The following ZNF567 variants were observed in gnomAD, a reference collection of about 807,000 sequenced individuals.
ZNF567 encodes zinc finger protein 567.
A neutral mutation model predicts 53.9 loss-of-function variants in ZNF567; 36 were observed. That is an observed-to-expected ratio of 0.67 (90% CI 0.51 to 0.88). ZNF567 has a LOEUF of 0.88. ZNF567 is among the 40% of genes least tolerant of loss of function. ZNF567 has a pLI of 0.00. For synonymous variants in ZNF567, 224 were observed against 260.4 expected (o/e 0.86, Z 1.35); for missense variants, 619 against 764.7 (o/e 0.81, Z 2.25).
At chr19:36,672,803 G>C in the ZNF567 span, among the ~76,000 whole-genome samples, 1 of 152,136 alleles carries the variant, frequency 6.6e-6, no homozygotes, top group Non-Finnish European at 1.5e-5. Flanking sequence ...GACCCTTAAC[G>C]AATGAAGGTT....
At chr19:36,684,981 A>G (rs2038238225), upstream of ZNF567, among the ~76,000 whole-genome samples, 1 of 152,144 alleles carries the variant, frequency 6.6e-6, no homozygotes, top group African/African-American at 2.4e-5. Context: ...TGGAAAGGGG[A>G]AAACAGATGT....
Position 36,720,784 on chromosome 19 carries a change from A to T in ZNF567, c.*116A>T. 2 of 918,038 alleles carry T rather than the reference A, an allele frequency of 2.2e-6. No homozygotes were observed. Among genetic ancestry groups the T allele is most frequent in the Non-Finnish European group, 3.1e-6 (2 of 645,286 alleles). 56.9% of individuals were successfully genotyped at this position (918,038 alleles called of 1,614,324 possible). A position where few individuals can be genotyped will look rare whatever the true frequency, so the allele number is the denominator to read the frequency against. ...TTAAATCACAAGTCTAATAATTATTAAAGTACCATACGGAATAACTGTCTA... is the reference window on the plus strand; with the variant it reads ...TTAAATCACAAGTCTAATAATTATTTAAGTACCATACGGAATAACTGTCTA... On this transcript the variant is annotated 3_prime_UTR_variant, in exon 6 of 6. Coordinates refer to ENST00000682579, the MANE Select transcript of ZNF567 (RefSeq NM_001322917.1).
At chr19:36,702,124 G>A (rs1294771955) in intron 3 of ZNF567, among the ~76,000 whole-genome samples, 1 of 151,966 alleles carries the variant, frequency 6.6e-6, no homozygotes, top group East Asian at 1.9e-4. Context: ...GCCTGGTGGT[G>A]ACAAAAATCT....
chr19:36,673,137 C>T, the ZNF567 span, among the ~76,000 whole-genome samples: 1 of 152,140 alleles, frequency 6.6e-6, no homozygotes, highest in South Asian at 2.1e-4. Context: ...GAAGCATTAA[C>T]ATCATCCAGA....
the ZNF567 span, among the ~76,000 whole-genome samples, chr19:36,669,916 T>C: frequency 6.6e-6 from 1 of 152,240 alleles, no homozygotes; most frequent in Non-Finnish European, 1.5e-5. Context: ...AACTCTTTAG[T>C]AGATTTCCTA....
the ZNF567 span, among the ~76,000 whole-genome samples, chr19:36,678,892 C>A: frequency 7.3e-5 from 11 of 151,528 alleles, no homozygotes; most frequent in African/African-American, 2.7e-4. Flanking sequence ...TAAAAATGGG[C>A]AAAGGACTTG....
intron 3 of ZNF567, among the ~76,000 whole-genome samples, chr19:36,707,294 T>C (rs1030748775): frequency 6.6e-6 from 1 of 152,204 alleles, no homozygotes; most frequent in African/African-American, 2.4e-5. Context: ...CCATTGCATT[T>C]GAGCTAAGTC....
At chr19:36,680,238 G>A in the ZNF567 span, among the ~76,000 whole-genome samples, 1 of 152,010 alleles carries the variant, frequency 6.6e-6, no homozygotes, top group African/African-American at 2.4e-5. Context: ...CCCCCTATGA[G>A]CATCTCACGA....
At chr19:36,697,512 A>T (rs2038945071) in intron 3 of ZNF567, among the ~76,000 whole-genome samples, 1 of 152,116 alleles carries the variant, frequency 6.6e-6, no homozygotes, top group African/African-American at 2.4e-5. Flanking sequence ...GTTGAGTAGA[A>T]GTTCTAAGAA....
chr19:36,693,360 C>T (rs1447926348), intron 2 of ZNF567, among the ~76,000 whole-genome samples: 1 of 151,822 alleles, frequency 6.6e-6, no homozygotes, highest in Admixed American at 6.6e-5. Context: ...CCCTGCTATG[C>T]AAGAGGGAGA....
At chr19:36,724,892 T>A (rs1006118198), downstream of ZNF567, among the ~76,000 whole-genome samples, 2 of 151,976 alleles carry the variant, frequency 1.3e-5, no homozygotes, top group African/African-American at 4.8e-5. Context: ...CCATATTCTT[T>A]CCATCACTTA....
At chr19:36,692,727 T>C (rs976888135) in intron 2 of ZNF567, among the ~76,000 whole-genome samples, 18 of 152,152 alleles carry the variant, frequency 1.2e-4, no homozygotes, top group African/African-American at 3.4e-4. Flanking sequence ...GATGTGACCA[T>C]TGTGGAGACG....
At chr19:36,725,146 A>G (rs2040330547), downstream of ZNF567, among the ~76,000 whole-genome samples, 1 of 152,084 alleles carries the variant, frequency 6.6e-6, no homozygotes. Context: ...CTCTAAAAAT[A>G]TGGTATTTCT....
intron 3 of ZNF567, among the ~76,000 whole-genome samples, chr19:36,703,273 C>T (rs971245473): frequency 2.0e-5 from 3 of 152,074 alleles, no homozygotes; most frequent in East Asian, 1.9e-4. Flanking sequence ...GCTGTCTGAT[C>T]GGTCCTCTGG....
chr19:36,675,560 C>T, the ZNF567 span, among the ~76,000 whole-genome samples: 1 of 152,172 alleles, frequency 6.6e-6, no homozygotes, highest in Non-Finnish European at 1.5e-5. Context: ...GTAATCCCAG[C>T]TACTCAGGAG....
At chr19:36,727,223 C>T (rs1475208092), downstream of ZNF567, 2 of 149,052 alleles carry the variant, frequency 1.3e-5, no homozygotes, top group South Asian at 2.1e-4. Context: ...AGGTACGTGC[C>T]ACCACACCCG....
chr19:36,671,473 A>G, the ZNF567 span, among the ~76,000 whole-genome samples: 2 of 152,202 alleles, frequency 1.3e-5, no homozygotes, highest in Admixed American at 6.5e-5. Flanking sequence ...AGTGATCCAA[A>G]AAACTGTTAG....
chr19:36,692,460 ACTCCTGGGCTTAAGTGACC>A (rs1247265878), intron 2 of ZNF567, among the ~76,000 whole-genome samples: 1 of 151,986 alleles, frequency 6.6e-6, no homozygotes, highest in Non-Finnish European at 1.5e-5. Flanking sequence ...GTAGCCTCAA[ACTCCTGGGCTTAAGTGACC>A]CTCCTGCCTC....
At chr19:36,717,910 T>C (rs930154398) in intron 5 of ZNF567, among the ~76,000 whole-genome samples, 1 of 152,214 alleles carries the variant, frequency 6.6e-6, no homozygotes, top group African/African-American at 2.4e-5. Flanking sequence ...AAAAGAGGAC[T>C]AGGCATGAGA....
Sources: allele counts gnomAD v4.1 joint callset (sites outside exome capture counted in the v4.1 genomes callset), GRCh38; gene constraint gnomAD v4.1.1; transcripts MANE v1.5; gene names NCBI Gene and HGNC (gene_info 2026-07-23, HGNC 2026-07-21).